The following SYNE1 variants were observed in gnomAD, a reference collection of about 807,000 sequenced individuals.
SYNE1 encodes nesprin-1.
A neutral mutation model predicts 1,111.0 loss-of-function variants in SYNE1; 616 were observed. The ratio of observed to expected loss-of-function variants is 0.55; its 90% CI spans 0.52 to 0.59. The LOEUF is 0.59. Among genes scored for constraint, SYNE1 ranks in the 20% least tolerant of loss-of-function variants. The pLI, the probability that SYNE1 is intolerant of heterozygous loss-of-function variation, is 0.00. For missense variants in SYNE1, 10,006 were observed against 10,417.0 expected, an observed-to-expected ratio of 0.96 and a Z score of 1.72; for synonymous variants, 3,855 against 3,825.8, an observed-to-expected ratio of 1.01 and a Z score of -0.28.
chr6:152,409,273 C>A, intron 43 of SYNE1, 47 bp from the exon 44 acceptor site: 2 of 1,584,430 alleles, frequency 1.3e-6, no homozygotes, highest in South Asian at 2.2e-5. Context: ...AGTGATAAGT[C>A]ATGAGTTTAA....
intron 18 of SYNE1, 131 bp downstream of exon 18, chr6:152,465,127 C>G: frequency 9.6e-7 from 1 of 1,043,202 alleles, no homozygotes. Flanking sequence ...GAAAGTGCAA[C>G]TTTTCAGGCA....
chr6:152,244,970 A>G lies in SYNE1; in HGVS notation c.19573-314T>C, dbSNP rs4035028. Among the ~76,000 whole-genome samples the G allele has an allele frequency of 0.78, 118,897 of 152,146 alleles. 47,533 individuals are homozygous for G. The highest frequency in any genetic ancestry group is 0.94 in the African/African-American group (38,937 of 41,554). ...TTTTGAAAAGCAATAGTTAAAAAAA[A>G]GAGCATCATTTAGGACATAGTTAAA... On this transcript the variant is annotated intron_variant, in intron 105 of 145. Coordinates refer to ENST00000367255, the MANE Select transcript of SYNE1 (RefSeq NM_182961.4).
intron 95 of SYNE1, among the ~76,000 whole-genome samples, chr6:152,289,124 T>A (rs753484386): frequency 3.9e-5 from 6 of 152,172 alleles, no homozygotes; most frequent in African/African-American, 1.4e-4. Flanking sequence ...TTAAAAAAAA[T>A]TTAGCCATCA....
chr6:152,205,579 T>C (rs934597935), intron 126 of SYNE1, among the ~76,000 whole-genome samples: 31 of 152,210 alleles, frequency 2.0e-4, no homozygotes, highest in African/African-American at 7.5e-4. Context: ...GCATTATACA[T>C]GCAATTGAAG....
rs962089378 is a variant in SYNE1 at position 152,211,740 on chromosome 6, T to A, written c.22495-152A>T. The A allele has an allele frequency of 3.0e-5, 20 of 665,410 alleles. No homozygotes were observed. The East Asian group carries it at 5.2e-4, about 17-fold the overall frequency. 41.2% of individuals were successfully genotyped at this position (665,410 alleles called of 1,614,324 possible). On this transcript the variant is annotated intron_variant, in intron 123 of 145. Coordinates refer to ENST00000367255, the MANE Select transcript of SYNE1 (RefSeq NM_182961.4). ...TGTGTGAAATCCTGCAGTTTAGGAATCATTTATTTTTAAATCATCAATTAA... is the reference window on the plus strand; with the variant it reads ...TGTGTGAAATCCTGCAGTTTAGGAAACATTTATTTTTAAATCATCAATTAA...
At chr6:152,535,327 GT>G (rs1487005047) in intron 4 of SYNE1, among the ~76,000 whole-genome samples, 1 of 152,162 alleles carries the variant, frequency 6.6e-6, no homozygotes, top group African/African-American at 2.4e-5. Context: ...CCTAAATAAT[GT>G]TTTATAAATT....
In SYNE1 at chr6:152,628,363, G is replaced by A. The variant is rs1335131939; in HGVS notation, c.-32C>T. The A allele has an allele frequency of 1.2e-6, 2 of 1,611,204 alleles. No homozygotes were observed. Among genetic ancestry groups the A allele is most frequent in the South Asian group, 2.2e-5 (2 of 91,012 alleles). On this transcript the variant is annotated 5_prime_UTR_variant, in exon 3 of 146. Transcript: ENST00000367255. ...TCCGGAAGCACGAAGCCAACACCAAGAGACTCTTCACTGGAGGCAGCACAG... is the reference window on the plus strand; with the variant it reads ...TCCGGAAGCACGAAGCCAACACCAAAAGACTCTTCACTGGAGGCAGCACAG...
intron 4 of SYNE1, among the ~76,000 whole-genome samples, chr6:152,536,375 GTAA>G (rs1192169368): frequency 2.5e-5 from 3 of 121,146 alleles, no homozygotes; most frequent in Non-Finnish European, 5.1e-5. Flanking sequence ...TATATATATA[GTAA>G]TATATATATA....
Position 152,236,323 on chromosome 6 carries a change from G to T in SYNE1, c.20200-20C>A. On this transcript the variant is annotated intron_variant, in intron 109 of 145. Coordinates refer to ENST00000367255, the MANE Select transcript of SYNE1 (RefSeq NM_182961.4). ...TAAATGCTAAAATATTGAAATTATT[G>T]AGTTAAAAGTTTGGATATGCAATTT... 6.3e-7 allele frequency: 1 copy of T among 1,587,474 alleles called. No individual in the cohort carries two copies. Among genetic ancestry groups the T allele is most frequent in the Non-Finnish European group, 8.6e-7 (1 of 1,157,872 alleles).
At position 152,357,887 on chromosome 6, in the gene SYNE1, AT is replaced by A. The variant is rs567914472; in HGVS notation, c.10608+485del. 2.4e-4 allele frequency among the ~76,000 whole-genome samples: 36 copies of A among 151,380 alleles called. 1 individual carries two copies. The highest frequency in any genetic ancestry group is 2.2e-3 in the Admixed American group (34 of 15,174). On this transcript the variant is annotated intron_variant, in intron 66 of 145. Transcript: ENST00000367255. ...CCCGCTGGCCTGGGCACTAACACTTATTTTTTTTTACTTCTGTAATTCCTTC... is the reference window on the plus strand; with the variant it reads ...CCCGCTGGCCTGGGCACTAACACTTATTTTTTTTACTTCTGTAATTCCTTC...
intron 130 of SYNE1, among the ~76,000 whole-genome samples, 189 bp from the exon 131 acceptor site, chr6:152,164,514 T>C (rs2063215845): frequency 6.6e-6 from 1 of 152,196 alleles, no homozygotes; most frequent in African/African-American, 2.4e-5. Context: ...GGAGCAAGGA[T>C]GCAGAGGAGG....
rs570500546 is a variant in SYNE1, at chr6:152,400,647, G to A, written c.7029+491C>T. 3.3e-5 allele frequency among the ~76,000 whole-genome samples: 5 copies of A among 152,268 alleles called. No homozygotes were observed. The East Asian group carries it at 7.7e-4, about 23-fold the overall frequency. On this transcript the variant is annotated intron_variant, in intron 47 of 145. Transcript: ENST00000367255. Reference sequence around the variant, plus strand: ...ACTGCACTCCAGCCTGGGTGACAGAGTGAGATTCCATCTCAAAAAATAAAA... The same window carrying A: ...ACTGCACTCCAGCCTGGGTGACAGAATGAGATTCCATCTCAAAAAATAAAA...
At chr6:152,372,833 A>T (rs1449539721) in intron 59 of SYNE1, among the ~76,000 whole-genome samples, 3 of 152,222 alleles carry the variant, frequency 2.0e-5, no homozygotes, top group Non-Finnish European at 2.9e-5. Flanking sequence ...CCTAACATGC[A>T]GGAAGCTACT....
At chr6:152,615,637 G>C (rs1413195117) in intron 3 of SYNE1, among the ~76,000 whole-genome samples, 1 of 152,126 alleles carries the variant, frequency 6.6e-6, no homozygotes, top group Non-Finnish European at 1.5e-5. Context: ...TTGTACACAT[G>C]CATTTCCAGT....
intron 39 of SYNE1, among the ~76,000 whole-genome samples, chr6:152,423,116 T>C (rs1231297733): frequency 2.0e-5 from 3 of 152,130 alleles, no homozygotes; most frequent in East Asian, 3.9e-4. Flanking sequence ...TACCATGTAT[T>C]CTCTTTGAGG....
At chr6:152,289,037 G>T (rs9479285) in intron 95 of SYNE1, among the ~76,000 whole-genome samples, 10,414 of 152,198 alleles carry the variant, frequency 0.068, 413 homozygotes, top group Middle Eastern at 0.1. Flanking sequence ...TGGTTGTACA[G>T]CATTGTGAAT....
intron 101 of SYNE1, among the ~76,000 whole-genome samples, chr6:152,258,222 G>C (rs1211861045): frequency 6.6e-6 from 1 of 152,060 alleles, no homozygotes; most frequent in Non-Finnish European, 1.5e-5. Context: ...GAGTTTTCTT[G>C]AAAAAAGTTA....
At chr6:152,549,997 T>C (rs1363050082) in intron 3 of SYNE1, among the ~76,000 whole-genome samples, 1 of 152,208 alleles carries the variant, frequency 6.6e-6, no homozygotes, top group East Asian at 1.9e-4. Flanking sequence ...CTCAGCAATA[T>C]TGACATTTAG....
intron 106 of SYNE1, 36 bp downstream of exon 106, chr6:152,244,501 C>T (rs756182823): frequency 3.1e-6 from 5 of 1,613,464 alleles, no homozygotes; most frequent in Middle Eastern, 1.6e-4. Flanking sequence ...GTTTGATGTA[C>T]CCCTGCAGCT....
Sources: gnomAD v4.1 joint callset for allele counts (sites outside exome capture counted in the v4.1 genomes callset) on GRCh38, gnomAD v4.1.1 for gene constraint, MANE v1.5 for transcripts, NCBI Gene and HGNC (gene_info 2026-07-23, HGNC 2026-07-21) for gene names.